KBTBD8: variants seen among roughly 807,000 people sequenced by gnomAD.
KBTBD8 encodes the protein kelch repeat and BTB domain-containing protein 8.
Under a neutral mutation model 53.5 loss-of-function variants are expected in KBTBD8, and 31 were observed. The observed-to-expected ratio is 0.58, with a 90% CI of 0.44 to 0.78. The LOEUF is 0.78. Among genes scored for constraint, KBTBD8 ranks in the 30% least tolerant of loss-of-function variants. The probability of loss-of-function intolerance (pLI) is 0.00; values close to 1 mark genes in which losing one functional copy is unlikely to be tolerated. For missense variants in KBTBD8, 642 were observed against 735.8 expected (o/e 0.87, Z 1.48); for synonymous variants, 250 against 247.3 (o/e 1.01, Z -0.10).
rs1309941650 is a variant in KBTBD8, at chr3:67,008,523, G to A, written c.*138G>A. 1.7e-5 allele frequency: 10 copies of A among 575,644 alleles called. No homozygotes were observed. The Admixed American group carries it at 2.8e-4, about 16-fold the overall frequency. 35.7% of individuals were successfully genotyped at this position (575,644 alleles called of 1,614,324 possible). A position where few individuals can be genotyped will look rare whatever the true frequency, so the allele number is the denominator to read the frequency against. ...AATGGGTATGCTTAAAGATTGCAGGGTAGGGAGGGATTTTCCTTCATCCTT... is the reference window on the plus strand; with the variant it reads ...AATGGGTATGCTTAAAGATTGCAGGATAGGGAGGGATTTTCCTTCATCCTT... On this transcript the variant is annotated 3_prime_UTR_variant, in exon 4 of 4. Transcript: ENST00000417314.
intron 3 of KBTBD8, among the ~76,000 whole-genome samples, chr3:67,007,690 A>G (rs1010701510): frequency 2.0e-5 from 3 of 152,080 alleles, no homozygotes; most frequent in African/African-American, 7.2e-5. Flanking sequence ...CAAACCTCCC[A>G]ATTCAGGTTG....
chr3:67,005,142 G>C (rs1333639698), intron 3 of KBTBD8, among the ~76,000 whole-genome samples: 1 of 151,988 alleles, frequency 6.6e-6, no homozygotes, highest in Non-Finnish European at 1.5e-5. Flanking sequence ...CCTTTTATTT[G>C]GTTTCTTACA....
Position 66,999,050 on chromosome 3 carries a change from C to T in KBTBD8, c.86C>T (p.Pro29Leu). The stretch of plus-strand genomic sequence containing the variant: ...GACCCAGCCAGCGATGCCATGGACC[C>T]CTTCCATGCTTGCAGTATTCTTAAG... ...SSDPASDAMD[P>L]FHACSILKQL... Residue 29 changes from proline (P) to leucine (L), a missense_variant, in exon 2 of 4, where the codon CCC (proline) becomes CTC (leucine). By Grantham distance (98) the Pro-to-Leu change is moderately conservative. Transcript: ENST00000417314. 6.2e-7 allele frequency: 1 copy of T among 1,614,084 alleles called. No individual in the cohort carries two copies. Among genetic ancestry groups the T allele is most frequent in the Non-Finnish European group, 8.5e-7 (1 of 1,179,956 alleles).
chr3:66,998,550 G>C (rs1701983712), intron 1 of KBTBD8, among the ~76,000 whole-genome samples, 179 bp downstream of exon 1: 1 of 152,126 alleles, frequency 6.6e-6, no homozygotes, highest in Non-Finnish European at 1.5e-5. Flanking sequence ...CGGTCCGGCG[G>C]GACCGGGATG....
At position 67,003,872 on chromosome 3, in the gene KBTBD8, A is replaced by C; in HGVS notation, c.905A>C (p.Gln302Pro). 1 of 1,614,200 alleles carries C rather than the reference A, an allele frequency of 6.2e-7. No homozygotes were observed. The highest frequency in any genetic ancestry group is 8.5e-7 in the Non-Finnish European group (1 of 1,180,034). Residue 302 changes from glutamine (Q) to proline (P), a missense_variant, in exon 3 of 4, where the codon CAA becomes CCA. Physicochemically the swap from Gln to Pro is moderately conservative, Grantham distance 76. Coordinates refer to ENST00000417314, the MANE Select transcript of KBTBD8 (RefSeq NM_032505.3). Reference protein sequence around the residue: ...DAAHKHSGKKQTVPCLDIVTG... With the variant: ...DAAHKHSGKKPTVPCLDIVTG... The stretch of plus-strand genomic sequence containing the variant: ...GCCCACAAACACTCAGGAAAGAAGC[A>C]AACAGTGCCTTGTCTAGATATAGTC...
At chr3:67,000,329 G>C (rs1258388892) in intron 2 of KBTBD8, among the ~76,000 whole-genome samples, 1 of 152,180 alleles carries the variant, frequency 6.6e-6, no homozygotes, top group Admixed American at 6.5e-5. Flanking sequence ...AAGGTATGAA[G>C]TTTGGCCTGG....
intron 2 of KBTBD8, among the ~76,000 whole-genome samples, chr3:67,002,699 C>T (rs1702028219): frequency 6.6e-6 from 1 of 151,844 alleles, no homozygotes; most frequent in African/African-American, 2.4e-5. Flanking sequence ...TGGGGTTTCA[C>T]CGTCTTGGCC....
rs1186076901 is a variant in KBTBD8 at position 67,003,199 on chromosome 3, A to G, written c.232A>G (p.Met78Val). ...LAAISPYFRS[M>V]FTSGLTESTQ... is the part of the protein sequence containing the mutation. ...TAACCACTCTTTCCTTCTTAGATCC[A>G]TGTTCACTAGCGGCCTTACAGAAAG... The change falls in exon 3 of 4, where the codon ATG becomes GTG. Residue 78 changes from methionine to valine, a missense_variant. Physicochemically the swap from Met to Val is conservative, Grantham distance 21. Transcript: ENST00000417314. 1.9e-6 allele frequency: 3 copies of G among 1,611,026 alleles called. No individual in the cohort carries two copies. The highest frequency in any genetic ancestry group is 1.1e-5 in the South Asian group (1 of 91,046).
Position 67,010,096 on chromosome 3 carries a change from T to G in KBTBD8, c.*1711T>G, listed in dbSNP as rs548419042. The G allele has an allele frequency of 1.2e-4, 18 of 152,700 alleles. No homozygotes were observed. Among genetic ancestry groups the G allele is most frequent in the African/African-American group, 3.8e-4 (16 of 41,580 alleles). 9.5% of individuals were successfully genotyped at this position (152,700 alleles called of 1,614,324 possible). ...AGCTAGATATGTGGTTTCTTCTTAT[T>G]GGTGTTGATAGTATGTCTGTAATCT... On this transcript the variant is annotated 3_prime_UTR_variant, in exon 4 of 4. Coordinates refer to ENST00000417314, the MANE Select transcript of KBTBD8 (RefSeq NM_032505.3).
chr3:66,999,741 T>C (rs1425091185), intron 2 of KBTBD8, among the ~76,000 whole-genome samples: 1 of 152,228 alleles, frequency 6.6e-6, no homozygotes, highest in Non-Finnish European at 1.5e-5. Flanking sequence ...ACATGTAGCA[T>C]GTTCCTTCAA....
chr3:67,003,992 G>T lies in KBTBD8; in HGVS notation c.1025G>T (p.Gly342Val). Reference sequence around the variant, plus strand: ...GATAATGACATTTACATTGCAGGAGGGTACAGGCCAAGCAGCAGTGAGGTC... The same window carrying T: ...GATAATGACATTTACATTGCAGGAGTGTACAGGCCAAGCAGCAGTGAGGTC... ...SPDNDIYIAG[G>V]YRPSSSEVSI... The change falls in exon 3 of 4, where the codon GGG becomes GTG. Residue 342 changes from glycine to valine, a missense_variant. Coordinates refer to ENST00000417314, the MANE Select transcript of KBTBD8 (RefSeq NM_032505.3). 1 of 1,614,162 alleles carries T rather than the reference G, an allele frequency of 6.2e-7. No individual in the cohort carries two copies. Among genetic ancestry groups the T allele is most frequent in the Non-Finnish European group, 8.5e-7 (1 of 1,180,030 alleles).
chr3:66,998,544 C>T (rs1046626522), intron 1 of KBTBD8, among the ~76,000 whole-genome samples, 173 bp downstream of exon 1: 3 of 152,058 alleles, frequency 2.0e-5, no homozygotes, highest in African/African-American at 7.2e-5. Flanking sequence ...GGTGGGCGGT[C>T]CGGCGGGACC....
In KBTBD8 at chr3:67,009,650, AC is replaced by A. The variant is rs1489731241; in HGVS notation, c.*1266del. The A allele has an allele frequency of 6.6e-6, 1 of 152,642 alleles. No homozygotes were observed. The highest frequency in any genetic ancestry group is 1.9e-4 in the East Asian group (1 of 5,200). The allele number at this position is 152,642 out of a possible 1,614,324, so 9.5% of individuals were successfully genotyped here. A position where few individuals can be genotyped will look rare whatever the true frequency, so the allele number is the denominator to read the frequency against. Reference sequence around the variant, plus strand: ...TGAACAGAACCATAGCTTTCTAGGTACTAAAGCATTTTTTGCATTTAACTGA... The same window carrying A: ...TGAACAGAACCATAGCTTTCTAGGTATAAAGCATTTTTTGCATTTAACTGA... On this transcript the variant is annotated 3_prime_UTR_variant, in exon 4 of 4. Coordinates refer to ENST00000417314, the MANE Select transcript of KBTBD8 (RefSeq NM_032505.3).
chr3:67,005,505 T>C, intron 3 of KBTBD8, among the ~76,000 whole-genome samples: 1 of 152,214 alleles, frequency 6.6e-6, no homozygotes, highest in Non-Finnish European at 1.5e-5. Context: ...TCTAGGTTTG[T>C]GTAAGTATGC....
Position 67,008,569 on chromosome 3 carries a change from G to A in KBTBD8, c.*184G>A. On this transcript the variant is annotated 3_prime_UTR_variant, in exon 4 of 4. Coordinates refer to ENST00000417314, the MANE Select transcript of KBTBD8 (RefSeq NM_032505.3). Reference sequence around the variant, plus strand: ...TCCTTGTGACATTTCATTTCAGTAAGGAAAAGATAACAAAGTGCAATTATC... The same window carrying A: ...TCCTTGTGACATTTCATTTCAGTAAAGAAAAGATAACAAAGTGCAATTATC... 2 of 512,642 alleles carry A rather than the reference G, an allele frequency of 3.9e-6. No homozygotes were observed. The highest frequency in any genetic ancestry group is 2.9e-5 in the East Asian group (1 of 34,494). The allele number at this position is 512,642 out of a possible 1,614,324, so 31.8% of individuals were successfully genotyped here. A position where few individuals can be genotyped will look rare whatever the true frequency, so the allele number is the denominator to read the frequency against.
At position 67,010,894 on chromosome 3, in the gene KBTBD8, A is replaced by G. The variant is rs1419470382; in HGVS notation, c.*2509A>G. 1 of 152,610 alleles carries G rather than the reference A, an allele frequency of 6.6e-6. No individual in the cohort carries two copies. The highest frequency in any genetic ancestry group is 1.5e-5 in the Non-Finnish European group (1 of 68,024). 9.5% of individuals were successfully genotyped at this position (152,610 alleles called of 1,614,324 possible). ...CACATTGAAAACTGGACTGGGTATA[A>G]CTATGTTATAGGAAAGTAGAAATTG... On this transcript the variant is annotated 3_prime_UTR_variant, in exon 4 of 4. Transcript: ENST00000417314.
chr3:67,002,911 A>C (rs1357278717), intron 2 of KBTBD8, among the ~76,000 whole-genome samples: 1 of 152,178 alleles, frequency 6.6e-6, no homozygotes, highest in African/African-American at 2.4e-5. Flanking sequence ...GTGACCTGGA[A>C]TATGTGTGTC....
In KBTBD8 at chr3:67,009,018, C is replaced by G. The variant is rs1021840532; in HGVS notation, c.*633C>G. On this transcript the variant is annotated 3_prime_UTR_variant, in exon 4 of 4. Transcript: ENST00000417314. ...AAGTTAAGCTAAAGTTTTAAAGTGG[C>G]AGTTTTCTGTCGATGACTTTTTCAA... 2 of 152,558 alleles carry G rather than the reference C, an allele frequency of 1.3e-5. No individual in the cohort carries two copies. Among genetic ancestry groups the G allele is most frequent in the Admixed American group, 1.3e-4 (2 of 15,268 alleles). The allele number at this position is 152,558 out of a possible 1,614,324, so 9.5% of individuals were successfully genotyped here. A position where few individuals can be genotyped will look rare whatever the true frequency, so the allele number is the denominator to read the frequency against.
Position 67,003,601 on chromosome 3 carries a change from C to T in KBTBD8, c.634C>T (p.His212Tyr). ...CGATTTAAATGTAGACCGAGAAGAG[C>T]ATGTTTATGAAAGCATTATAAGGTG... ...SDDLNVDREE[H>Y]VYESIIRWFE... The change falls in exon 3 of 4, where the codon CAT (histidine) becomes TAT (tyrosine). Residue 212 changes from histidine (H) to tyrosine (Y), a missense_variant. By Grantham distance (83) the His-to-Tyr change is moderately conservative. Transcript: ENST00000417314. 3 of 1,613,878 alleles carry T rather than the reference C, an allele frequency of 1.9e-6. No individual in the cohort carries two copies. The highest frequency in any genetic ancestry group is 1.1e-5 in the South Asian group (1 of 91,066).
Sources: gnomAD v4.1 joint callset for allele counts (sites outside exome capture counted in the v4.1 genomes callset) on GRCh38, gnomAD v4.1.1 for gene constraint, MANE v1.5 for transcripts, NCBI Gene and HGNC (gene_info 2026-07-23, HGNC 2026-07-21) for gene names.